PRKG1: variants seen among roughly 807,000 people sequenced by gnomAD.
PRKG1 encodes cGMP-dependent protein kinase 1.
PRKG1 carries 35 observed loss-of-function variants against 88.1 expected under a neutral mutation model. The ratio of observed to expected loss-of-function variants is 0.40; its 90% CI spans 0.30 to 0.53. The LOEUF (loss-of-function observed/expected upper bound fraction) is 0.53. Ranked by LOEUF, PRKG1 falls within the 20% of genes least tolerant of loss-of-function variation. PRKG1 has a pLI of 0.59. For missense variants in PRKG1, 540 were observed against 839.8 expected (o/e 0.64, Z 4.41); for synonymous variants, 303 against 292.5 (o/e 1.04, Z -0.37).
intron 9 of PRKG1, among the ~76,000 whole-genome samples, chr10:52,222,032 G>C (rs1035580739): frequency 6.6e-6 from 1 of 152,176 alleles, no homozygotes; most frequent in African/African-American, 2.4e-5. Context: ...GTGGAGATGA[G>C]TGTATTAGGT....
chr10:51,885,367 A>G (rs1235489127), intron 4 of PRKG1, among the ~76,000 whole-genome samples: 1 of 152,250 alleles, frequency 6.6e-6, no homozygotes, highest in African/African-American at 2.4e-5. Context: ...GCAATATAAG[A>G]TAAAATTACC....
At chr10:51,723,637 T>A (rs1842066248) in intron 3 of PRKG1, among the ~76,000 whole-genome samples, 2 of 134,296 alleles carry the variant, frequency 1.5e-5, no homozygotes, top group Admixed American at 1.4e-4. Flanking sequence ...GAAAAAGTTA[T>A]CTGATGGTGC....
intron 3 of PRKG1, among the ~76,000 whole-genome samples, chr10:51,775,770 A>G (rs942964764): frequency 2.6e-5 from 4 of 151,756 alleles, no homozygotes; most frequent in African/African-American, 9.7e-5. Flanking sequence ...TTTAATAGAG[A>G]CAGGGGTTTC....
In PRKG1 at chr10:51,224,638, A is replaced by G. The variant is rs560775795; in HGVS notation, c.478+71308A>G. ...TGTAACTGAGAAAGTTATTACATAC[A>G]TAAGAACACATTTACTTTCATTTTA... is the stretch of plus-strand genomic sequence containing the variant. On this transcript the variant is annotated intron_variant, in intron 2 of 17. Coordinates refer to ENST00000373980, the MANE Select transcript of PRKG1 (RefSeq NM_006258.4). 7.9e-5 allele frequency among the ~76,000 whole-genome samples: 12 copies of G among 152,344 alleles called. No individual in the cohort carries two copies. The East Asian group carries it at 2.3e-3, about 29-fold the overall frequency.
intron 4 of PRKG1, among the ~76,000 whole-genome samples, chr10:51,821,683 A>ATGTATATTGAAC (rs57184821): frequency 2.6e-5 from 4 of 151,704 alleles, no homozygotes; most frequent in African/African-American, 9.7e-5. Context: ...GTATTGACCT[A>ATGTATATTGAAC]TATATATTGA....
chr10:52,240,505 A>G (rs1840831863), intron 9 of PRKG1, among the ~76,000 whole-genome samples: 1 of 152,220 alleles, frequency 6.6e-6, no homozygotes, highest in Non-Finnish European at 1.5e-5. Flanking sequence ...AAAAGGAAAC[A>G]AAACCCTATA....
In PRKG1 at chr10:51,094,359, T is replaced by C. The variant is rs141874901; in HGVS notation, c.311+19458T>C. On this transcript the variant is annotated intron_variant, in intron 1 of 17. Coordinates refer to ENST00000373980, the MANE Select transcript of PRKG1 (RefSeq NM_006258.4). ...TTAATAATTAGGAAACAAAATGGAA[T>C]ATATCAGTATTTTCTGTGTTTTCAT... Among the ~76,000 whole-genome samples the C allele has an allele frequency of 3.3e-3, 500 of 152,222 alleles. 4 individuals carry two copies. The highest frequency in any genetic ancestry group is 0.011 in the African/African-American group (443 of 41,564).
intron 4 of PRKG1, among the ~76,000 whole-genome samples, chr10:51,839,617 A>G (rs908963178): frequency 6.6e-6 from 1 of 152,224 alleles, no homozygotes; most frequent in Non-Finnish European, 1.5e-5. Flanking sequence ...TAGCCATGAT[A>G]AGCAGGAACC....
At chr10:51,705,708 A>C (rs1448509633) in intron 3 of PRKG1, among the ~76,000 whole-genome samples, 1 of 152,228 alleles carries the variant, frequency 6.6e-6, no homozygotes, top group Non-Finnish European at 1.5e-5. Context: ...ATAGGCAGTC[A>C]TAGTTCCTCA....
intron 9 of PRKG1, among the ~76,000 whole-genome samples, chr10:52,203,286 AG>A (rs1229525868): frequency 1.3e-5 from 2 of 152,344 alleles, no homozygotes; most frequent in African/African-American, 4.8e-5. Context: ...AAAGTAAATC[AG>A]GAGCATGTTG....
chr10:51,533,287 C>T (rs555750283), intron 3 of PRKG1, among the ~76,000 whole-genome samples: 1 of 152,278 alleles, frequency 6.6e-6, no homozygotes, highest in African/African-American at 2.4e-5. Context: ...TTAACTTTTT[C>T]ACAATTCTTT....
chr10:51,095,298 T>C (rs1420235105), intron 1 of PRKG1, among the ~76,000 whole-genome samples: 1 of 152,110 alleles, frequency 6.6e-6, no homozygotes, highest in Non-Finnish European at 1.5e-5. Context: ...AAAGGCAGTT[T>C]TCTTCTAGTT....
At chr10:51,071,514 T>C (rs923741282), upstream of PRKG1, among the ~76,000 whole-genome samples, 1 of 152,224 alleles carries the variant, frequency 6.6e-6, no homozygotes, top group African/African-American at 2.4e-5. Flanking sequence ...CTATTTGTGT[T>C]TGTTATAACA....
At chr10:51,891,876 A>G (rs1213403550) in intron 4 of PRKG1, among the ~76,000 whole-genome samples, 3 of 152,230 alleles carry the variant, frequency 2.0e-5, no homozygotes, top group Admixed American at 6.5e-5. Context: ...GTTAATCACA[A>G]TACAAGAACT....
intron 2 of PRKG1, among the ~76,000 whole-genome samples, chr10:51,222,149 G>T (rs1418704986): frequency 8.3e-6 from 1 of 119,884 alleles, no homozygotes; most frequent in Non-Finnish European, 1.7e-5. Context: ...GCCTCCCAAA[G>T]TGTTGGGATT....
intron 9 of PRKG1, among the ~76,000 whole-genome samples, chr10:52,200,424 G>A (rs1839635019): frequency 6.6e-6 from 1 of 152,142 alleles, no homozygotes; most frequent in African/African-American, 2.4e-5. Context: ...ATTCCATAGT[G>A]TATACATACC....
intron 1 of PRKG1, among the ~76,000 whole-genome samples, chr10:51,135,548 T>A (rs1016203092): frequency 4.7e-4 from 72 of 152,270 alleles, no homozygotes; most frequent in African/African-American, 1.7e-3. Flanking sequence ...AATAGTTGAA[T>A]ACTCACAAGA....
intron 7 of PRKG1, among the ~76,000 whole-genome samples, chr10:52,069,625 ATTAT>A (rs1393737402): frequency 6.6e-6 from 1 of 152,088 alleles, no homozygotes; most frequent in Non-Finnish European, 1.5e-5. Context: ...GAATTTGATT[ATTAT>A]TTATTTATAT....
At chr10:52,223,377 T>G (rs148818817) in intron 9 of PRKG1, among the ~76,000 whole-genome samples, 28 of 152,256 alleles carry the variant, frequency 1.8e-4, no homozygotes, top group African/African-American at 6.3e-4. Flanking sequence ...TCTTCCTCCT[T>G]GAGACATTTT....
Sources: gnomAD v4.1 joint callset for allele counts (sites outside exome capture counted in the v4.1 genomes callset) on GRCh38, gnomAD v4.1.1 for gene constraint, MANE v1.5 for transcripts, NCBI Gene and HGNC (gene_info 2026-07-23, HGNC 2026-07-21) for gene names.